The following MAPT variants were observed in gnomAD, a reference collection of about 807,000 sequenced individuals.
The protein encoded by MAPT is microtubule-associated protein tau.
A neutral mutation model predicts 67.9 loss-of-function variants in MAPT; 34 were observed. That is an observed-to-expected ratio of 0.50 (90% CI 0.38 to 0.67). The LOEUF is 0.67. MAPT is among the 30% of genes least tolerant of loss of function. MAPT has a pLI of 0.00. For synonymous variants in MAPT, 456 were observed against 464.5 expected (o/e 0.98, Z 0.23); for missense variants, 881 against 1,115.2 (o/e 0.79, Z 2.99).
rs905594644 is a variant in MAPT at position 45,937,024 on chromosome 17, C to T, written c.-17-25297C>T. 5.9e-5 allele frequency among the ~76,000 whole-genome samples: 9 copies of T among 152,184 alleles called. 1 individual carries two copies. Among genetic ancestry groups the T allele is most frequent in the South Asian group, 4.1e-4 (2 of 4,832 alleles). Reference sequence around the variant, plus strand: ...AAGGAGCTCCCCACTCCCCGTCCCACGCCTACTCAGAGTCTGCAAATATGT... The same window carrying T: ...AAGGAGCTCCCCACTCCCCGTCCCATGCCTACTCAGAGTCTGCAAATATGT... On this transcript the variant is annotated intron_variant, in intron 1 of 12. Coordinates refer to ENST00000262410, the MANE Select transcript of MAPT (RefSeq NM_001377265.1).
intron 2 of MAPT, chr17:45,969,354 T>G (rs2071404098): frequency 6.5e-6 from 1 of 152,672 alleles, no homozygotes; most frequent in Admixed American, 6.6e-5. Flanking sequence ...TACCATCACA[T>G]CCATCCATCT....
intron 8 of MAPT, chr17:45,993,965 A>T (rs1213933916): frequency 6.4e-7 from 1 of 1,574,470 alleles, no homozygotes; most frequent in South Asian, 1.2e-5. Context: ...TGCAGGGCCC[A>T]GATCTGAGAG....
rs572651755 is a variant in MAPT at position 45,978,478 on chromosome 17, TG to T, written c.286+44del. On this transcript the variant is annotated intron_variant, in intron 4 of 12. Coordinates refer to ENST00000262410, the MANE Select transcript of MAPT (RefSeq NM_001377265.1). ...GAATTGCCTGCCATGACTTGGGGGTTGGGGGGAGGGACATGGGGTGGGCTCT... is the reference window on the plus strand; with the variant it reads ...GAATTGCCTGCCATGACTTGGGGGTTGGGGGAGGGACATGGGGTGGGCTCT... 2,697 of 865,198 alleles carry T rather than the reference TG, an allele frequency of 3.1e-3. 6 individuals are homozygous for T. The highest frequency in any genetic ancestry group is 4.3e-3 in the Non-Finnish European group (2,356 of 546,512). The allele number at this position is 865,198 out of a possible 1,614,324, so 53.6% of individuals were successfully genotyped here.
At position 45,972,097 on chromosome 17, in the gene MAPT, C is replaced by CT. The variant is rs1322310554; in HGVS notation, c.220+154dup. 4.2e-6 allele frequency: 3 copies of CT among 717,056 alleles called. No individual in the cohort carries two copies. The East Asian group carries it at 8.1e-5, about 19-fold the overall frequency. 44.4% of individuals were successfully genotyped at this position (717,056 alleles called of 1,614,324 possible). ...CAGGACAGCGTGGTGGGAGCTGAGC[C>CT]TTGCGTCGATGCCTTGCTTGCTGGT... On this transcript the variant is annotated intron_variant, in intron 3 of 12. Transcript: ENST00000262410.
chr17:45,984,274 G>A (rs759484824), intron 5 of MAPT, among the ~76,000 whole-genome samples: 2 of 152,328 alleles, frequency 1.3e-5, no homozygotes, highest in East Asian at 3.9e-4. Context: ...ACAGGATGAC[G>A]GGTGCCCTCA....
intron 8 of MAPT, among the ~76,000 whole-genome samples, chr17:45,993,696 C>G (rs1433043457): frequency 6.6e-6 from 1 of 152,138 alleles, no homozygotes; most frequent in Non-Finnish European, 1.5e-5. Context: ...TTACAGGGGA[C>G]TCACACTTTG....
chr17:45,909,580 C>T (rs928876438), intron 1 of MAPT, among the ~76,000 whole-genome samples: 1 of 151,946 alleles, frequency 6.6e-6, no homozygotes, highest in African/African-American at 2.4e-5. Context: ...ACTAAAAATA[C>T]AAATAATTAG....
intron 8 of MAPT, chr17:45,994,095 C>G: frequency 1.0e-6 from 1 of 963,184 alleles, no homozygotes; most frequent in Non-Finnish European, 1.5e-6. Context: ...ACACAGGGTT[C>G]GCAGCCTGAA....
At chr17:46,011,561 G>A (rs995442883) in intron 10 of MAPT, among the ~76,000 whole-genome samples, 4 of 152,084 alleles carry the variant, frequency 2.6e-5, no homozygotes, top group East Asian at 1.9e-4. Context: ...TCCCCTGGCC[G>A]GTCTATGTCG....
At chr17:45,921,160 A>T (rs945121207) in intron 1 of MAPT, among the ~76,000 whole-genome samples, 1 of 152,196 alleles carries the variant, frequency 6.6e-6, no homozygotes, top group African/African-American at 2.4e-5. Flanking sequence ...TTGGGCCAAG[A>T]ACACTTCTAC....
chr17:46,007,387 C>G (rs968603866), intron 9 of MAPT, among the ~76,000 whole-genome samples: 1 of 151,384 alleles, frequency 6.6e-6, no homozygotes, highest in Admixed American at 6.6e-5. Flanking sequence ...CTTGGGAGAC[C>G]GAGGCAGGAG....
chr17:46,008,523 T>G (rs572242619), intron 9 of MAPT, among the ~76,000 whole-genome samples: 1 of 152,192 alleles, frequency 6.6e-6, no homozygotes, highest in Non-Finnish European at 1.5e-5. Context: ...GTGATTGTGT[T>G]AGGGTGGTAA....
At chr17:45,972,199 A>C (rs143007445) in intron 3 of MAPT, 4 of 659,654 alleles carry the variant, frequency 6.1e-6, no homozygotes, top group Non-Finnish European at 8.4e-6. Context: ...CAGCTCCACA[A>C]AGCCCCGCTC....
chr17:46,022,910 G>A (rs141952048), intron 12 of MAPT, among the ~76,000 whole-genome samples: 9 of 152,266 alleles, frequency 5.9e-5, no homozygotes, highest in African/African-American at 1.2e-4. Flanking sequence ...TAGATAGATA[G>A]ATAGATAAAT....
chr17:45,955,206 GACCCCCATCCCCTAT>G (rs2069501611), intron 1 of MAPT, among the ~76,000 whole-genome samples: 1 of 152,066 alleles, frequency 6.6e-6, no homozygotes, highest in Non-Finnish European at 1.5e-5. Context: ...TTGACTGTGT[GACCCCCATCCCCTAT>G]TTCCCAACCG....
chr17:46,022,139 G>C (rs2076564593), intron 12 of MAPT, among the ~76,000 whole-genome samples: 1 of 152,156 alleles, frequency 6.6e-6, no homozygotes, highest in South Asian at 2.1e-4. Context: ...CAGATCACCT[G>C]AAATCAGGAG....
Position 46,014,236 on chromosome 17 carries a change from T to C in MAPT, c.2092-7T>C. The C allele has an allele frequency of 6.3e-7, 1 of 1,589,308 alleles. No individual in the cohort carries two copies. The highest frequency in any genetic ancestry group is 8.6e-7 in the Non-Finnish European group (1 of 1,157,618). On this transcript the variant is annotated splice_region_variant and splice_polypyrimidine_tract_variant and intron_variant, in intron 10 of 12. Transcript: ENST00000262410. ...TCCTCTTCTCTCTCCTCCTCTCTCA[T>C]CTCCAGGTGCAAATAGTCTACAAAC...
intron 9 of MAPT, among the ~76,000 whole-genome samples, chr17:45,998,001 G>A (rs575545236): frequency 6.6e-6 from 1 of 152,264 alleles, no homozygotes; most frequent in South Asian, 2.1e-4. Flanking sequence ...TGAAGAGGAG[G>A]CTGGGGGTGA....
chr17:45,969,620 TCTGTAC>T (rs2071438943), intron 2 of MAPT, among the ~76,000 whole-genome samples: 1 of 138,524 alleles, frequency 7.2e-6, no homozygotes, highest in Admixed American at 7.3e-5. Flanking sequence ...CAATCATATA[TCTGTAC>T]ATAATCCATT....
Sources: gnomAD v4.1 joint callset for allele counts (sites outside exome capture counted in the v4.1 genomes callset) on GRCh38, gnomAD v4.1.1 for gene constraint, MANE v1.5 for transcripts, NCBI Gene and HGNC (gene_info 2026-07-23, HGNC 2026-07-21) for gene names.